SYNPR: variants seen among roughly 807,000 people sequenced by gnomAD.
The protein encoded by SYNPR is synaptoporin.
Under a neutral mutation model 32.9 loss-of-function variants are expected in SYNPR, and 23 were observed. The observed-to-expected ratio is 0.70, with a 90% CI of 0.50 to 0.99. The LOEUF (loss-of-function observed/expected upper bound fraction) is 0.99. Ranked by LOEUF, SYNPR falls within the 50% of genes least tolerant of loss-of-function variation. The probability of loss-of-function intolerance (pLI) is 0.00; values close to 1 mark genes in which losing one functional copy is unlikely to be tolerated. For synonymous variants in SYNPR, 146 were observed against 135.9 expected (o/e 1.07, Z -0.52); for missense variants, 318 against 349.3 (o/e 0.91, Z 0.71).
intron 4 of SYNPR, among the ~76,000 whole-genome samples, chr3:63,604,124 C>T (rs1431541582): frequency 2.0e-5 from 3 of 151,980 alleles, no homozygotes; most frequent in African/African-American, 4.8e-5. Context: ...CTAGTTTGTG[C>T]GTATAGAGGT....
At chr3:63,595,384 T>C (rs75246496) in intron 4 of SYNPR, among the ~76,000 whole-genome samples, 1,851 of 152,028 alleles carry the variant, frequency 0.012, 28 homozygotes, top group African/African-American at 0.037. Flanking sequence ...CAGTGGGGTC[T>C]AGAGCTCACC....
chr3:63,402,550 T>C (rs2088306420), intron 2 of SYNPR, among the ~76,000 whole-genome samples: 1 of 152,050 alleles, frequency 6.6e-6, no homozygotes, highest in African/African-American at 2.4e-5. Context: ...TGACAAAAAC[T>C]TAAGAGGAAA....
Position 63,363,624 on chromosome 3 carries a change from T to G in SYNPR, c.84+84882T>G, listed in dbSNP as rs188717585. Among the ~76,000 whole-genome samples the G allele has an allele frequency of 2.6e-3, 390 of 152,334 alleles. 2 individuals are homozygous for G. The Middle Eastern group carries it at 0.027, about 11-fold the overall frequency. The stretch of plus-strand genomic sequence containing the variant: ...CTAAACATCTCTGATCCTCGTTTTC[T>G]TCTCTGTCAGATAAAGAAAGATAAC... On this transcript the variant is annotated intron_variant, in intron 2 of 5. Coordinates refer to ENST00000478300, the MANE Select transcript of SYNPR (RefSeq NM_001130003.2).
At chr3:63,476,745 C>A (rs1700935348) in intron 2 of SYNPR, among the ~76,000 whole-genome samples, 1 of 151,754 alleles carries the variant, frequency 6.6e-6, no homozygotes, top group Non-Finnish European at 1.5e-5. Context: ...AAATGTAACA[C>A]CCCCCCAGGT....
chr3:63,237,543 G>A (rs1274831989), intron 1 of SYNPR, among the ~76,000 whole-genome samples: 9 of 152,038 alleles, frequency 5.9e-5, no homozygotes, highest in Non-Finnish European at 7.4e-5. Context: ...CGCGGTGGGC[G>A]TTGGCATCGG....
At chr3:63,546,345 T>C (rs1430504388) in intron 3 of SYNPR, among the ~76,000 whole-genome samples, 2 of 152,126 alleles carry the variant, frequency 1.3e-5, no homozygotes, top group Admixed American at 6.6e-5. Context: ...CAGTTTCATG[T>C]TGAAATGTCT....
chr3:63,519,664 T>C (rs1002473349), intron 3 of SYNPR, among the ~76,000 whole-genome samples: 1 of 152,140 alleles, frequency 6.6e-6, no homozygotes, highest in Non-Finnish European at 1.5e-5. Context: ...ATCATAGCGG[T>C]TTTTGGTTTG....
rs920176840 is a variant in SYNPR, at chr3:63,393,041, T to G, written c.85-87791T>G. Among the ~76,000 whole-genome samples, 4 of 152,326 alleles carry G rather than the reference T, an allele frequency of 2.6e-5. No individual in the cohort carries two copies. In the South Asian group the frequency reaches 8.3e-4, roughly 32 times the overall value. ...GGATGGGAGTCTCAAACACACATGA[T>G]AGCATTCCCTAACAATTGTTCTACA... is the stretch of plus-strand genomic sequence containing the variant. On this transcript the variant is annotated intron_variant, in intron 2 of 5. Coordinates refer to ENST00000478300, the MANE Select transcript of SYNPR (RefSeq NM_001130003.2).
chr3:63,468,229 A>T (rs1488542186), intron 2 of SYNPR, among the ~76,000 whole-genome samples: 2 of 151,970 alleles, frequency 1.3e-5, no homozygotes, highest in Admixed American at 1.3e-4. Flanking sequence ...CAGAATAATC[A>T]AAACGAGTCC....
chr3:63,360,129 A>G (rs2087636738), intron 2 of SYNPR, among the ~76,000 whole-genome samples: 1 of 152,214 alleles, frequency 6.6e-6, no homozygotes, highest in South Asian at 2.1e-4. Context: ...ACAAAATAAA[A>G]TATGTAATTA....
intron 4 of SYNPR, among the ~76,000 whole-genome samples, chr3:63,585,455 C>CG (rs150087899): frequency 2.2e-5 from 3 of 138,258 alleles, no homozygotes; most frequent in Non-Finnish European, 1.6e-5. Context: ...CCATGCCCCC[C>CG]CCCTCCGCCC....
Position 63,441,973 on chromosome 3 carries a change from C to T in SYNPR, c.85-38859C>T, listed in dbSNP as rs181426520. The stretch of plus-strand genomic sequence containing the variant: ...TACAAAGGGGAAACCAAGGCTCAGG[C>T]GCAGGCCACATGACTAGTAAGTGGG... On this transcript the variant is annotated intron_variant, in intron 2 of 5. Transcript: ENST00000478300. Among the ~76,000 whole-genome samples, 36 of 152,312 alleles carry T rather than the reference C, an allele frequency of 2.4e-4. No individual in the cohort carries two copies. The East Asian group carries it at 6.0e-3, about 25-fold the overall frequency.
chr3:63,235,956 G>A (rs1421972035), intron 1 of SYNPR, among the ~76,000 whole-genome samples: 1 of 151,830 alleles, frequency 6.6e-6, no homozygotes, highest in Non-Finnish European at 1.5e-5. Flanking sequence ...CCTGGATACT[G>A]AAGATTTTCT....
chr3:63,515,621 G>A (rs1310388564), intron 3 of SYNPR, among the ~76,000 whole-genome samples: 1 of 152,002 alleles, frequency 6.6e-6, no homozygotes, highest in Non-Finnish European at 1.5e-5. Flanking sequence ...GTTTTGGCCT[G>A]AGAAAAAAGA....
intron 3 of SYNPR, among the ~76,000 whole-genome samples, chr3:63,486,574 C>A (rs1701159426): frequency 2.6e-5 from 4 of 152,168 alleles, no homozygotes; most frequent in Admixed American, 2.0e-4. Context: ...TCAGGGGCTG[C>A]CTCTGAGAAG....
chr3:63,542,778 C>A (rs1164038926), intron 3 of SYNPR, among the ~76,000 whole-genome samples: 1 of 152,030 alleles, frequency 6.6e-6, no homozygotes, highest in Non-Finnish European at 1.5e-5. Flanking sequence ...TGATGACTTG[C>A]ATATAGGAGA....
At chr3:63,296,147 A>C (rs964544250) in intron 2 of SYNPR, among the ~76,000 whole-genome samples, 1 of 152,244 alleles carries the variant, frequency 6.6e-6, no homozygotes, top group African/African-American at 2.4e-5. Context: ...TTTTGCCTAT[A>C]GGAGTAGCTG....
At position 63,616,785 on chromosome 3, in the gene SYNPR, C is replaced by T. The variant is rs780283713; in HGVS notation, c.*1304C>T. The T allele has an allele frequency of 1.3e-5, 2 of 152,516 alleles. No homozygotes were observed. Among genetic ancestry groups the T allele is most frequent in the African/African-American group, 2.4e-5 (1 of 41,418 alleles). 9.4% of individuals were successfully genotyped at this position (152,516 alleles called of 1,614,324 possible). A position where few individuals can be genotyped will look rare whatever the true frequency, so the allele number is the denominator to read the frequency against. ...TTGTTATTGATGTATAAACTCGTTG[C>T]GTGATTAGTGATGTTGGAAGCATTT... On this transcript the variant is annotated 3_prime_UTR_variant, in exon 6 of 6. Coordinates refer to ENST00000478300, the MANE Select transcript of SYNPR (RefSeq NM_001130003.2).
intron 3 of SYNPR, among the ~76,000 whole-genome samples, chr3:63,506,149 C>T (rs1169304504): frequency 6.6e-6 from 1 of 151,668 alleles, no homozygotes; most frequent in Non-Finnish European, 1.5e-5. Context: ...CTTCCCTTTT[C>T]CTCCGCTCTC....
Sources: allele counts gnomAD v4.1 joint callset (sites outside exome capture counted in the v4.1 genomes callset), GRCh38; gene constraint gnomAD v4.1.1; transcripts MANE v1.5; gene names NCBI Gene and HGNC (gene_info 2026-07-23, HGNC 2026-07-21).